Variants in KLRD1 observed in about 807,000 individuals in gnomAD.
The protein encoded by KLRD1 is natural killer cells antigen CD94.
In KLRD1, 21 loss-of-function variants were observed where a neutral mutation model predicts 22.6. The ratio of observed to expected loss-of-function variants is 0.93; its 90% confidence interval spans 0.66 to 1.34. The LOEUF is 1.34. Ranked by LOEUF, KLRD1 falls within the 40% of genes most tolerant of loss-of-function variation. The pLI, the probability that KLRD1 is intolerant of heterozygous loss-of-function variation, is 0.00. For synonymous variants in KLRD1, 59 were observed against 71.1 expected (o/e 0.83, Z 0.85); for missense variants, 183 against 208.6 (o/e 0.88, Z 0.76).
upstream of KLRD1, among the ~76,000 whole-genome samples, chr12:10,307,094 T>C (rs959318955): frequency 6.6e-6 from 1 of 152,190 alleles, no homozygotes; most frequent in Non-Finnish European, 1.5e-5. Context: ...ACATTGGAAA[T>C]TTGACCTGTT....
upstream of KLRD1, among the ~76,000 whole-genome samples, chr12:10,303,919 T>A (rs1363990405): frequency 6.6e-6 from 1 of 152,168 alleles, no homozygotes; most frequent in Non-Finnish European, 1.5e-5. Context: ...CAAAGGTTCC[T>A]AGATATAAGA....
chr12:10,311,652 T>A, intron 4 of KLRD1, 37 bp downstream of exon 4: 2 of 1,601,096 alleles, frequency 1.2e-6, no homozygotes, highest in Non-Finnish European at 8.5e-7. Flanking sequence ...TTTTCTTTGA[T>A]CTAGAAAAAT....
At chr12:10,269,258 C>A (rs1247453708) in intron 1 of KLRD1, among the ~76,000 whole-genome samples, 1 of 152,098 alleles carries the variant, frequency 6.6e-6, no homozygotes, top group Non-Finnish European at 1.5e-5. Context: ...TCAAGCAATT[C>A]TCCTGCCTCA....
chr12:10,262,050 CATTTTAAGGTCAT>C (rs1365758999), intron 1 of KLRD1, among the ~76,000 whole-genome samples: 1 of 151,958 alleles, frequency 6.6e-6, no homozygotes, highest in Non-Finnish European at 1.5e-5. Context: ...AATCTAAAAT[CATTTTAAGGTCAT>C]ATTTTAATCT....
chr12:10,286,810 C>T (rs1335397267), intron 1 of KLRD1, among the ~76,000 whole-genome samples: 3 of 151,644 alleles, frequency 2.0e-5, no homozygotes, highest in Non-Finnish European at 4.4e-5. Context: ...CATCTGGTCC[C>T]GTAACTGTTT....
chr12:10,300,305 C>T (rs1216956832), upstream of KLRD1, among the ~76,000 whole-genome samples: 1 of 152,126 alleles, frequency 6.6e-6, no homozygotes, highest in African/African-American at 2.4e-5. Context: ...TGAAATGACT[C>T]CTCAATTCAA....
At chr12:10,255,325 C>G (rs1270949198) in intron 1 of KLRD1, among the ~76,000 whole-genome samples, 1 of 152,074 alleles carries the variant, frequency 6.6e-6, no homozygotes, top group African/African-American at 2.4e-5. Context: ...TTTATTTTCT[C>G]TATTTTCCAC....
chr12:10,314,515 C>G (rs574690776), intron 5 of KLRD1, among the ~76,000 whole-genome samples, 158 bp from the exon 6 acceptor site: 1 of 152,106 alleles, frequency 6.6e-6, no homozygotes, highest in South Asian at 2.1e-4. Context: ...TAGCATTACA[C>G]TAGAAAATCA....
At chr12:10,303,645 C>G (rs1191512933), upstream of KLRD1, among the ~76,000 whole-genome samples, 2 of 152,046 alleles carry the variant, frequency 1.3e-5, no homozygotes, top group African/African-American at 4.8e-5. Flanking sequence ...TGAAATATGC[C>G]AACAAAGATA....
intron 1 of KLRD1, 36 bp downstream of exon 1, chr12:10,308,120 C>T: frequency 1.3e-6 from 2 of 1,593,962 alleles, no homozygotes. Flanking sequence ...TAAAAATAAC[C>T]AGAAAAGCTA....
At chr12:10,252,330 G>A (rs1007639013) in intron 1 of KLRD1, among the ~76,000 whole-genome samples, 8 of 152,084 alleles carry the variant, frequency 5.3e-5, no homozygotes, top group South Asian at 2.1e-4. Flanking sequence ...GGTGTATTAC[G>A]TATTTTCTAT....
At chr12:10,298,688 G>T (rs987623781) in intron 1 of KLRD1, among the ~76,000 whole-genome samples, 1 of 152,224 alleles carries the variant, frequency 6.6e-6, no homozygotes, top group South Asian at 2.1e-4. Flanking sequence ...TAGCATGAGC[G>T]ATCTGTGCCT....
rs914445580 is a variant in KLRD1 at position 10,296,609 on chromosome 12, A to G, written c.-100-11369A>G. ...ACTCATCTAAGTTCCTAGAACATTTATGTTTTGATACCTCCTAAAATGAGT... is the reference window on the plus strand; with the variant it reads ...ACTCATCTAAGTTCCTAGAACATTTGTGTTTTGATACCTCCTAAAATGAGT... On this transcript the variant is annotated intron_variant, in intron 1 of 5. Transcript: ENST00000544747. 2.0e-5 allele frequency among the ~76,000 whole-genome samples: 3 copies of G among 152,212 alleles called. No individual in the cohort carries two copies. The East Asian group carries it at 5.8e-4, about 29-fold the overall frequency.
intron 1 of KLRD1, 29 bp from the exon 2 acceptor site, chr12:10,309,359 G>A (rs144844066): frequency 2.0e-6 from 2 of 1,018,898 alleles, no homozygotes; most frequent in African/African-American, 3.2e-5. Context: ...TGCTCTTTAA[G>A]TCATTACTCT....
chr12:10,313,835 G>A (rs1950157706), intron 5 of KLRD1, among the ~76,000 whole-genome samples: 1 of 151,958 alleles, frequency 6.6e-6, no homozygotes, highest in Admixed American at 6.6e-5. Context: ...ATATTATTTT[G>A]TAGTCACATG....
rs1056053043 is a variant in KLRD1 at position 10,320,519 on chromosome 12, G to A, written c.*5726G>A. 2.0e-5 allele frequency: 3 copies of A among 152,162 alleles called. No homozygotes were observed. The highest frequency in any genetic ancestry group is 4.4e-5 in the Non-Finnish European group (3 of 68,024). 9.4% of individuals were successfully genotyped at this position (152,162 alleles called of 1,614,324 possible). A position where few individuals can be genotyped will look rare whatever the true frequency, so the allele number is the denominator to read the frequency against. ...CTCTAAACTTATTTCCAACTAGAGT[G>A]TTGAATATCTTGTCTGATTTCTTCC... On this transcript the variant is annotated 3_prime_UTR_variant, in exon 6 of 6. Coordinates refer to ENST00000336164, the MANE Select transcript of KLRD1 (RefSeq NM_002262.5).
chr12:10,312,058 T>C (rs1312394026), intron 4 of KLRD1, among the ~76,000 whole-genome samples: 15 of 149,196 alleles, frequency 1.0e-4, no homozygotes, highest in South Asian at 2.1e-4. Flanking sequence ...TTTCTTTTTT[T>C]TTTTTTTTTT....
chr12:10,314,787 CA>C lies in KLRD1; in HGVS notation c.535del (p.Ile179PhefsTer18). On this transcript the variant is annotated frameshift_variant, in exon 6 of 6. Coordinates refer to ENST00000336164, the MANE Select transcript of KLRD1 (RefSeq NM_002262.5). LOFTEE classifies it high-confidence loss of function. ...ATCGTTATATCTGTAAGCAACAGCT[CA>C]TTTAAATGTTTCTTGGGGCAGAGAA... ...KNRYICKQQL[I>X] is the part of the protein sequence containing the mutation. The C allele has an allele frequency of 1.2e-6, 2 of 1,604,200 alleles. No individual in the cohort carries two copies. Among genetic ancestry groups the C allele is most frequent in the Non-Finnish European group, 1.7e-6 (2 of 1,177,284 alleles).
intron 1 of KLRD1, among the ~76,000 whole-genome samples, chr12:10,268,834 G>GT (rs1237644684): frequency 6.6e-6 from 1 of 152,100 alleles, no homozygotes; most frequent in Non-Finnish European, 1.5e-5. Context: ...AAATACGTTT[G>GT]TATTTATTTC....
Sources: gnomAD v4.1 joint callset for allele counts (sites outside exome capture counted in the v4.1 genomes callset) on GRCh38, gnomAD v4.1.1 for gene constraint, MANE v1.5 for transcripts, NCBI Gene and HGNC (gene_info 2026-07-23, HGNC 2026-07-21) for gene names.